The following NCKAP5 variants were observed in gnomAD, a reference collection of about 807,000 sequenced individuals.
NCKAP5 encodes the protein NCK associated protein 5, also known as nck-associated protein 5.
In NCKAP5, 92 loss-of-function variants were observed where a neutral mutation model predicts 167.0. The ratio of observed to expected loss-of-function variants is 0.55; its 90% CI spans 0.47 to 0.66. The LOEUF (loss-of-function observed/expected upper bound fraction) is 0.66. Ranked by LOEUF, NCKAP5 falls within the 30% of genes least tolerant of loss-of-function variation. The probability of loss-of-function intolerance (pLI) is 0.00; values close to 1 mark genes in which losing one functional copy is unlikely to be tolerated. For missense variants in NCKAP5, 2,378 were observed against 2,315.0 expected (o/e 1.03, Z -0.56); for synonymous variants, 891 against 877.4 (o/e 1.02, Z -0.27).
intron 3 of NCKAP5, among the ~76,000 whole-genome samples, chr2:133,492,815 A>G (rs1029292160): frequency 3.3e-5 from 5 of 152,240 alleles, no homozygotes; most frequent in African/African-American, 9.6e-5. Flanking sequence ...AGGAATTCAT[A>G]GACTCAGTGC....
the NCKAP5 span, among the ~76,000 whole-genome samples, chr2:133,599,461 A>G: frequency 6.6e-6 from 1 of 152,206 alleles, no homozygotes; most frequent in Non-Finnish European, 1.5e-5. Flanking sequence ...TGCAATGTTG[A>G]GGTGAGGAAT....
At chr2:132,768,428 A>C (rs1681710169) in intron 16 of NCKAP5, among the ~76,000 whole-genome samples, 1 of 152,184 alleles carries the variant, frequency 6.6e-6, no homozygotes, top group African/African-American at 2.4e-5. Flanking sequence ...CATAGGGTAA[A>C]TGCATTATAG....
chr2:133,231,962 G>A (rs78462593), intron 4 of NCKAP5, among the ~76,000 whole-genome samples: 3,408 of 152,218 alleles, frequency 0.022, 77 homozygotes, highest in South Asian at 0.039. Context: ...AAATCACTTC[G>A]CATGTAACTA....
chr2:133,343,041 G>A (rs1045677820), intron 3 of NCKAP5, among the ~76,000 whole-genome samples: 2 of 152,156 alleles, frequency 1.3e-5, no homozygotes, highest in African/African-American at 4.8e-5. Context: ...AAAGGTGAAG[G>A]CTTATTCATT....
intron 19 of NCKAP5, among the ~76,000 whole-genome samples, chr2:132,713,928 G>C (rs1459996680): frequency 6.6e-6 from 1 of 152,144 alleles, no homozygotes; most frequent in African/African-American, 2.4e-5. Context: ...TCCTTAAAGA[G>C]TGTGTTGATT....
At chr2:132,862,007 G>C (rs1447542) in intron 10 of NCKAP5, among the ~76,000 whole-genome samples, 42,161 of 152,140 alleles carry the variant, frequency 0.28, 6,287 homozygotes, top group East Asian at 0.45. Flanking sequence ...ATTCACTAGT[G>C]ATTGGTGTGA....
intron 6 of NCKAP5, among the ~76,000 whole-genome samples, chr2:133,082,011 G>A (rs6430391): frequency 0.24 from 35,774 of 151,926 alleles, 4,785 homozygotes; most frequent in Non-Finnish European, 0.31. Flanking sequence ...CTTGATAGGT[G>A]GTTTTTCGAT....
At chr2:133,014,275 G>A (rs1414347536) in intron 6 of NCKAP5, among the ~76,000 whole-genome samples, 1 of 152,072 alleles carries the variant, frequency 6.6e-6, no homozygotes, top group Non-Finnish European at 1.5e-5. Context: ...ATGGATACTT[G>A]GGATTCATTC....
chr2:133,445,710 G>A (rs1046983045), intron 3 of NCKAP5, among the ~76,000 whole-genome samples: 3 of 152,098 alleles, frequency 2.0e-5, no homozygotes, highest in African/African-American at 7.2e-5. Flanking sequence ...CTTTTTGGCA[G>A]CACAGGGAGA....
chr2:133,083,598 C>T (rs2080884471), intron 6 of NCKAP5, among the ~76,000 whole-genome samples: 1 of 152,156 alleles, frequency 6.6e-6, no homozygotes, highest in Admixed American at 6.5e-5. Flanking sequence ...GATCACGTAT[C>T]TTACCAGACA....
At chr2:132,778,708 C>G (rs1034518896) in intron 15 of NCKAP5, among the ~76,000 whole-genome samples, 10 of 152,158 alleles carry the variant, frequency 6.6e-5, no homozygotes, top group African/African-American at 2.4e-4. Flanking sequence ...TTACCTTGAG[C>G]CCTAGTGGGG....
intron 5 of NCKAP5, among the ~76,000 whole-genome samples, chr2:133,142,776 C>G (rs2083048538): frequency 6.6e-6 from 1 of 152,094 alleles, no homozygotes; most frequent in Non-Finnish European, 1.5e-5. Context: ...TACCATAAGC[C>G]TTTGTCGCTG....
At chr2:133,278,965 T>C (rs1428299629) in intron 4 of NCKAP5, among the ~76,000 whole-genome samples, 1 of 152,202 alleles carries the variant, frequency 6.6e-6, no homozygotes, top group African/African-American at 2.4e-5. Flanking sequence ...GCTGAGATAC[T>C]ATCTCTCATT....
chr2:133,088,742 A>T (rs2081077316), intron 6 of NCKAP5, among the ~76,000 whole-genome samples: 1 of 152,220 alleles, frequency 6.6e-6, no homozygotes, highest in African/African-American at 2.4e-5. Flanking sequence ...TGTAATACAA[A>T]GGAGAAATAA....
intron 6 of NCKAP5, among the ~76,000 whole-genome samples, chr2:133,026,449 A>T (rs939463114): frequency 6.6e-6 from 1 of 152,034 alleles, no homozygotes; most frequent in Non-Finnish European, 1.5e-5. Context: ...CCCTGGCCTT[A>T]AGAATAAGAA....
chr2:132,914,990 CAAA>C (rs11404641), intron 8 of NCKAP5, among the ~76,000 whole-genome samples: 2 of 104,016 alleles, frequency 1.9e-5, no homozygotes, highest in Non-Finnish European at 2.4e-5. Context: ...AAGCTATGGC[CAAA>C]AAAAAAAAAA....
intron 4 of NCKAP5, among the ~76,000 whole-genome samples, chr2:133,266,966 G>C (rs1045269954): frequency 1.3e-5 from 2 of 151,892 alleles, no homozygotes; most frequent in Non-Finnish European, 2.9e-5. Flanking sequence ...CCTCCGCCGG[G>C]CCCCCCCATC....
intron 11 of NCKAP5, among the ~76,000 whole-genome samples, chr2:132,832,421 C>G (rs367647228): frequency 2.1e-4 from 32 of 152,194 alleles, no homozygotes; most frequent in African/African-American, 7.2e-4. Context: ...AACTTTGTTA[C>G]ATGGATAGAT....
At chr2:133,552,460 T>C (rs200989807) in intron 2 of NCKAP5, among the ~76,000 whole-genome samples, 11,181 of 145,820 alleles carry the variant, frequency 0.077, 573 homozygotes, top group East Asian at 0.29. Flanking sequence ...ATGGATGAAA[T>C]TGGAAATCAT....
Sources: gnomAD v4.1 joint callset for allele counts (sites outside exome capture counted in the v4.1 genomes callset) on GRCh38, gnomAD v4.1.1 for gene constraint, MANE v1.5 for transcripts, NCBI Gene and HGNC (gene_info 2026-07-23, HGNC 2026-07-21) for gene names.